DLG2: variants seen among roughly 807,000 people sequenced by gnomAD.
DLG2 encodes discs large MAGUK scaffold protein 2.
DLG2 carries 45 observed loss-of-function variants against 132.5 expected under a neutral mutation model. The ratio of observed to expected loss-of-function variants is 0.34; its 90% CI spans 0.27 to 0.44. The LOEUF (loss-of-function observed/expected upper bound fraction) is 0.44, where lower values mean the gene tolerates loss of function less well. DLG2 is among the 20% of genes least tolerant of loss of function. DLG2 has a pLI of 1.00. For missense variants in DLG2, 1,045 were observed against 1,196.9 expected (o/e 0.87, Z 1.87); for synonymous variants, 424 against 419.6 (o/e 1.01, Z -0.13).
At chr11:83,834,121 G>T (rs1359406787) in intron 16 of DLG2, among the ~76,000 whole-genome samples, 1 of 152,136 alleles carries the variant, frequency 6.6e-6, no homozygotes, top group Non-Finnish European at 1.5e-5. Context: ...AGGGATTTTT[G>T]GGAAGAAGAG....
intron 6 of DLG2, among the ~76,000 whole-genome samples, chr11:85,022,590 A>C (rs2060173902): frequency 6.6e-6 from 1 of 152,100 alleles, no homozygotes; most frequent in Non-Finnish European, 1.5e-5. Context: ...AAGTTACTCA[A>C]CTGCTTTGAG....
intron 21 of DLG2, among the ~76,000 whole-genome samples, chr11:83,528,666 A>T (rs1391752674): frequency 1.3e-5 from 2 of 152,174 alleles, no homozygotes; most frequent in Non-Finnish European, 2.9e-5. Context: ...TGTCAAAATG[A>T]TCTCAACCTG....
chr11:85,007,443 G>A (rs1183922532), intron 6 of DLG2, among the ~76,000 whole-genome samples: 2 of 151,824 alleles, frequency 1.3e-5, no homozygotes, highest in Admixed American at 6.6e-5. Context: ...GGTGGATCAC[G>A]AGGTCAGGAG....
intron 19 of DLG2, among the ~76,000 whole-genome samples, chr11:83,611,070 A>T (rs1298283685): frequency 6.6e-6 from 1 of 152,220 alleles, no homozygotes; most frequent in African/African-American, 2.4e-5. Flanking sequence ...CCACAAAAAA[A>T]ATCAGATCTA....
At chr11:84,035,253 G>T (rs1296865461) in intron 11 of DLG2, among the ~76,000 whole-genome samples, 1 of 152,012 alleles carries the variant, frequency 6.6e-6, no homozygotes, top group East Asian at 1.9e-4. Flanking sequence ...CACTTATTGA[G>T]TACTTACTCT....
intron 18 of DLG2, among the ~76,000 whole-genome samples, chr11:83,774,313 G>T (rs1323717487): frequency 3.9e-5 from 6 of 152,254 alleles, no homozygotes; most frequent in Non-Finnish European, 7.4e-5. Context: ...GGTTTCTGTT[G>T]TTTCTGATAA....
At chr11:84,066,834 T>G (rs1002444662) in intron 10 of DLG2, among the ~76,000 whole-genome samples, 1 of 152,130 alleles carries the variant, frequency 6.6e-6, no homozygotes, top group Non-Finnish European at 1.5e-5. Flanking sequence ...CAGCTGTTGG[T>G]TATTGAAGAA....
intron 18 of DLG2, among the ~76,000 whole-genome samples, chr11:83,721,833 A>T (rs747536873): frequency 2.0e-5 from 3 of 152,218 alleles, no homozygotes; most frequent in Non-Finnish European, 4.4e-5. Context: ...GGTGGCTGGG[A>T]TATAAAGGAT....
intron 3 of DLG2, among the ~76,000 whole-genome samples, chr11:85,513,767 A>G (rs1470332059): frequency 6.6e-6 from 1 of 151,894 alleles, no homozygotes; most frequent in Non-Finnish European, 1.5e-5. Context: ...TTTGTTATTC[A>G]AAAAAATAAC....
chr11:84,726,660 C>T, intron 6 of DLG2, among the ~76,000 whole-genome samples: 1 of 152,118 alleles, frequency 6.6e-6, no homozygotes, highest in East Asian at 1.9e-4. Flanking sequence ...AACGGTATTT[C>T]TGGTTCTAGA....
intron 6 of DLG2, among the ~76,000 whole-genome samples, chr11:84,671,801 C>T (rs2099706176): frequency 6.6e-6 from 1 of 152,052 alleles, no homozygotes; most frequent in Non-Finnish European, 1.5e-5. Context: ...TCAGAACAGA[C>T]TGAAAAGTGA....
intron 7 of DLG2, among the ~76,000 whole-genome samples, chr11:84,496,511 C>T (rs577752057): frequency 3.5e-4 from 54 of 152,228 alleles, no homozygotes; most frequent in African/African-American, 1.2e-3. Context: ...AGGCACTGTA[C>T]TAAATTCCTT....
intron 6 of DLG2, among the ~76,000 whole-genome samples, chr11:85,104,223 G>A (rs2071330807): frequency 6.6e-6 from 1 of 151,830 alleles, no homozygotes; most frequent in Non-Finnish European, 1.5e-5. Flanking sequence ...ATACCCAAGA[G>A]AATTGAAAAT....
At chr11:85,056,213 T>A (rs1689772025) in intron 6 of DLG2, among the ~76,000 whole-genome samples, 1 of 152,106 alleles carries the variant, frequency 6.6e-6, no homozygotes, top group Non-Finnish European at 1.5e-5. Context: ...ATAAATGGCA[T>A]CCCTAAGATA....
intron 4 of DLG2, among the ~76,000 whole-genome samples, chr11:85,187,501 G>GA (rs1269954895): frequency 7.3e-5 from 11 of 151,072 alleles, no homozygotes; most frequent in Admixed American, 2.6e-4. Flanking sequence ...TATCGAATTA[G>GA]AAAAAAAAGG....
At chr11:84,785,319 T>G (rs2072679042) in intron 6 of DLG2, among the ~76,000 whole-genome samples, 1 of 152,130 alleles carries the variant, frequency 6.6e-6, no homozygotes, top group African/African-American at 2.4e-5. Context: ...TATCTTATGT[T>G]ATGGTTCCCT....
chr11:85,320,072 C>A (rs1160626874), intron 3 of DLG2, among the ~76,000 whole-genome samples: 1 of 151,752 alleles, frequency 6.6e-6, no homozygotes, highest in African/African-American at 2.4e-5. Context: ...TTTCTAGATG[C>A]CTGAACTAAG....
At chr11:84,853,401 A>T (rs749659751) in intron 6 of DLG2, among the ~76,000 whole-genome samples, 30 of 152,170 alleles carry the variant, frequency 2.0e-4, no homozygotes, top group Admixed American at 6.6e-4. Flanking sequence ...TCCTGAGGAC[A>T]GTCAGACTTG....
At chr11:83,546,163 C>T (rs577316629) in intron 19 of DLG2, among the ~76,000 whole-genome samples, 1 of 152,226 alleles carries the variant, frequency 6.6e-6, no homozygotes, top group South Asian at 2.1e-4. Context: ...AGCAGCTGCT[C>T]ATCCTCATGA....
Sources: gnomAD v4.1 joint callset for allele counts (sites outside exome capture counted in the v4.1 genomes callset) on GRCh38, gnomAD v4.1.1 for gene constraint, MANE v1.5 for transcripts, NCBI Gene and HGNC (gene_info 2026-07-23, HGNC 2026-07-21) for gene names.